PATJ: variants seen among roughly 807,000 people sequenced by gnomAD.
PATJ encodes PATJ crumbs cell polarity complex component, also known as inaD-like protein.
A neutral mutation model predicts 224.9 loss-of-function variants in PATJ; 190 were observed. The ratio of observed to expected loss-of-function variants is 0.84; its 90% confidence interval spans 0.75 to 0.95. The LOEUF (loss-of-function observed/expected upper bound fraction) is 0.95. PATJ is among the 40% of genes least tolerant of loss of function. The probability of loss-of-function intolerance (pLI) is 0.00; values close to 1 mark genes in which losing one functional copy is unlikely to be tolerated. For synonymous variants in PATJ, 769 were observed against 820.3 expected (o/e 0.94, Z 1.07); for missense variants, 2,121 against 2,270.3 (o/e 0.93, Z 1.34).
At chr1:62,145,167 C>G (rs1353402131) in intron 41 of PATJ, among the ~76,000 whole-genome samples, 2 of 152,180 alleles carry the variant, frequency 1.3e-5, no homozygotes, top group African/African-American at 4.8e-5. Context: ...CTCAGGGAGT[C>G]AGAGATATTC....
chr1:61,894,020 T>G (rs1050645683), intron 22 of PATJ, among the ~76,000 whole-genome samples: 5 of 151,978 alleles, frequency 3.3e-5, no homozygotes, highest in African/African-American at 1.2e-4. Context: ...TTCGGGAGGC[T>G]GAGGCGGGCA....
Position 62,086,034 on chromosome 1 carries a change from G to A in PATJ, c.4377+1386G>A, listed in dbSNP as rs1029903779. 4.0e-5 allele frequency among the ~76,000 whole-genome samples: 6 copies of A among 151,794 alleles called. No individual in the cohort carries two copies. Among genetic ancestry groups the A allele is most frequent in the African/African-American group, 9.7e-5 (4 of 41,304 alleles). The stretch of plus-strand genomic sequence containing the variant: ...TTGCTATGTTGCCCAAGCTGGTTTT[G>A]AACTCCTAGGCTCAAGCGATCCTCC... On this transcript the variant is annotated intron_variant, in intron 33 of 43. Transcript: ENST00000642238. This position sits in a 1 kb window ranked among gnomAD's most constrained non-coding sequence, Gnocchi z 4.0.
intron 16 of PATJ, among the ~76,000 whole-genome samples, chr1:61,833,069 CAG>C (rs1659609929): frequency 1.3e-5 from 2 of 152,116 alleles, no homozygotes; most frequent in Admixed American, 1.3e-4. Context: ...TATTTCAACT[CAG>C]TGATTTTTAT....
intron 27 of PATJ, among the ~76,000 whole-genome samples, chr1:61,989,690 G>A (rs1644955103): frequency 6.6e-6 from 1 of 152,032 alleles, no homozygotes; most frequent in South Asian, 2.1e-4. Flanking sequence ...GGGGACCATG[G>A]TTTCTACCAC....
intron 33 of PATJ, among the ~76,000 whole-genome samples, chr1:62,090,304 G>A (rs1558153907): frequency 6.6e-6 from 1 of 152,142 alleles, no homozygotes; most frequent in East Asian, 1.9e-4. Context: ...GCTCTTCTGT[G>A]ATAGGTTGCA....
At chr1:62,079,618 A>T (rs1452751463) in intron 32 of PATJ, 51 bp downstream of exon 32, 1 of 1,178,580 alleles carries the variant, frequency 8.5e-7, no homozygotes, top group Non-Finnish European at 1.3e-6. Context: ...TAGAGAAGGC[A>T]AGGGATCATA....
At chr1:61,969,869 T>C (rs1234577693) in intron 27 of PATJ, among the ~76,000 whole-genome samples, 1 of 152,048 alleles carries the variant, frequency 6.6e-6, no homozygotes, top group Non-Finnish European at 1.5e-5. Flanking sequence ...AATTTTGGTA[T>C]TTTTAGTAGA....
At chr1:62,056,424 A>G (rs987007047) in intron 31 of PATJ, among the ~76,000 whole-genome samples, 1 of 152,136 alleles carries the variant, frequency 6.6e-6, no homozygotes, top group African/African-American at 2.4e-5. Context: ...GCTACTCAGG[A>G]GGCTGAAGTG....
chr1:62,118,910 G>A (rs1350930418), intron 37 of PATJ, among the ~76,000 whole-genome samples: 1 of 151,782 alleles, frequency 6.6e-6, no homozygotes, highest in African/African-American at 2.4e-5. Flanking sequence ...TGGATGACAG[G>A]TGTGAGCCCC....
At chr1:62,056,382 G>A (rs991379676) in intron 31 of PATJ, among the ~76,000 whole-genome samples, 1 of 152,128 alleles carries the variant, frequency 6.6e-6, no homozygotes, top group Admixed American at 6.6e-5. Context: ...TTGCCTTGGA[G>A]CCAAGCACAG....
intron 17 of PATJ, among the ~76,000 whole-genome samples, chr1:61,854,782 T>C (rs1172741909): frequency 6.6e-6 from 1 of 152,214 alleles, no homozygotes; most frequent in African/African-American, 2.4e-5. Context: ...TATCAGTTGG[T>C]TAAATAAATT....
At chr1:61,948,411 A>G (rs1349450862) in intron 27 of PATJ, among the ~76,000 whole-genome samples, 2 of 152,230 alleles carry the variant, frequency 1.3e-5, no homozygotes, top group African/African-American at 4.8e-5. Flanking sequence ...AAGGATATGG[A>G]CAGACACTTC....
intron 6 of PATJ, among the ~76,000 whole-genome samples, chr1:61,774,257 C>G (rs1188352740): frequency 2.0e-5 from 3 of 151,960 alleles, no homozygotes; most frequent in African/African-American, 7.3e-5. Flanking sequence ...GCACTGCACT[C>G]TAACCTGGGT....
intron 24 of PATJ, among the ~76,000 whole-genome samples, chr1:61,907,102 G>A (rs573080830): frequency 2.6e-5 from 4 of 152,142 alleles, no homozygotes; most frequent in African/African-American, 7.2e-5. Context: ...TTCCTGCCAC[G>A]TGTTTGCTTC....
chr1:61,908,236 A>T, intron 24 of PATJ, 136 bp from the exon 25 acceptor site: 3 of 601,100 alleles, frequency 5.0e-6, no homozygotes, highest in Non-Finnish European at 8.8e-6. Context: ...TTATGGGCCA[A>T]TCTTATTTTT....
rs74076521 is a variant in PATJ at position 62,086,787 on chromosome 1, G to C, written c.4377+2139G>C. 0.081 allele frequency among the ~76,000 whole-genome samples: 12,394 copies of C among 152,166 alleles called. 941 individuals carry two copies. Among genetic ancestry groups the C allele is most frequent in the African/African-American group, 0.2 (8,448 of 41,468 alleles). On this transcript the variant is annotated intron_variant, in intron 33 of 43. Coordinates refer to ENST00000642238, the MANE Select transcript of PATJ (RefSeq NM_001350145.3). This position sits in a 1 kb window ranked among gnomAD's most constrained non-coding sequence, Gnocchi z 4.0. Reference sequence around the variant, plus strand: ...GCAACAGGGGTACTGTTTACTTGGAGCGCCTCGCTCAGCCTGTTGTAGGAT... The same window carrying C: ...GCAACAGGGGTACTGTTTACTTGGACCGCCTCGCTCAGCCTGTTGTAGGAT...
chr1:61,911,362 TGCCACCAC>T (rs1331832153), intron 25 of PATJ, among the ~76,000 whole-genome samples: 7 of 151,992 alleles, frequency 4.6e-5, no homozygotes, highest in Non-Finnish European at 1.0e-4. Context: ...TACAGGTGCA[TGCCACCAC>T]GCTCAGCTAA....
Position 62,162,700 on chromosome 1 carries a change from G to C in PATJ, c.*1646G>C. 6.2e-6 allele frequency: 1 copy of C among 162,564 alleles called. No individual in the cohort carries two copies. The highest frequency in any genetic ancestry group is 1.4e-5 in the Non-Finnish European group (1 of 73,984). The allele number at this position is 162,564 out of a possible 1,614,324, so 10.1% of individuals were successfully genotyped here. A position where few individuals can be genotyped will look rare whatever the true frequency, so the allele number is the denominator to read the frequency against. On this transcript the variant is annotated 3_prime_UTR_variant, in exon 44 of 44. Coordinates refer to ENST00000642238, the MANE Select transcript of PATJ (RefSeq NM_001350145.3). ...GCAGTGGCTCACGCCTGTAATCCCA[G>C]CACTTTGGGAGGCCAGGGCAGGCGA...
intron 17 of PATJ, among the ~76,000 whole-genome samples, chr1:61,834,072 T>C (rs1461420690): frequency 6.6e-6 from 1 of 152,196 alleles, no homozygotes; most frequent in African/African-American, 2.4e-5. Flanking sequence ...CTTTTGTTCC[T>C]CAGCTTTATT....
Sources: allele counts gnomAD v4.1 joint callset (sites outside exome capture counted in the v4.1 genomes callset), GRCh38; gene constraint gnomAD v4.1.1; non-coding constraint Gnocchi (gnomAD v3.1); transcripts MANE v1.5; gene names NCBI Gene and HGNC (gene_info 2026-07-23, HGNC 2026-07-21).